Variants in PRKCB observed in about 807,000 individuals in gnomAD.
The protein encoded by PRKCB is protein kinase C beta.
PRKCB carries 13 observed loss-of-function variants against 81.5 expected under a neutral mutation model. The observed-to-expected ratio is 0.16, with a 90% CI of 0.10 to 0.25. The LOEUF (loss-of-function observed/expected upper bound fraction) is 0.25, where lower values mean the gene tolerates loss of function less well. Among genes scored for constraint, PRKCB ranks in the 10% least tolerant of loss-of-function variants. The pLI is 1.00. For synonymous variants in PRKCB, 335 were observed against 321.4 expected (o/e 1.04, Z -0.45); for missense variants, 509 against 875.7 (o/e 0.58, Z 5.29).
intron 2 of PRKCB, among the ~76,000 whole-genome samples, chr16:23,843,461 G>A (rs1330838107): frequency 6.6e-6 from 1 of 151,960 alleles, no homozygotes; most frequent in African/African-American, 2.4e-5. Context: ...ACCACCTGAC[G>A]GGGGATTTCA....
At chr16:23,995,781 C>A (rs932256304) in intron 3 of PRKCB, among the ~76,000 whole-genome samples, 14 of 152,208 alleles carry the variant, frequency 9.2e-5, no homozygotes, top group African/African-American at 3.1e-4. Flanking sequence ...TTCTCTCTCC[C>A]AACTTGCACC....
chr16:23,902,072 A>G (rs12934904), intron 2 of PRKCB, among the ~76,000 whole-genome samples: 142,556 of 152,176 alleles, frequency 0.94, 66,835 homozygotes, highest in East Asian at 1. Context: ...AAGAGATTTG[A>G]TTTTAACTCA....
intron 2 of PRKCB, among the ~76,000 whole-genome samples, chr16:23,982,138 CCCTT>C (rs1964738572): frequency 7.5e-5 from 2 of 26,830 alleles, no homozygotes; most frequent in Admixed American, 3.0e-4. Flanking sequence ...CCTTCCCTTT[CCCTT>C]CCCTTTCCCT....
intron 16 of PRKCB, among the ~76,000 whole-genome samples, chr16:24,194,281 G>C (rs1371688603): frequency 6.6e-6 from 1 of 152,066 alleles, no homozygotes; most frequent in African/African-American, 2.4e-5. Flanking sequence ...AGCTGAGATT[G>C]TGCCATTGCA....
Position 24,134,205 on chromosome 16 carries a change from C to T in PRKCB, c.1065+10224C>T, listed in dbSNP as rs1354564278. Among the ~76,000 whole-genome samples the T allele has an allele frequency of 2.0e-5, 3 of 152,118 alleles. No homozygotes were observed. The East Asian group carries it at 5.8e-4, about 29-fold the overall frequency. On this transcript the variant is annotated intron_variant, in intron 9 of 16. Transcript: ENST00000643927. ...GAACCACCATGCCCAGTCCAAACCA[C>T]TACTCTTTCCTCTTCCTTTTTTCCT... is the stretch of plus-strand genomic sequence containing the variant.
rs1390197723 is a variant in PRKCB, at chr16:24,174,512, T to C, written c.1332-6T>C. The C allele has an allele frequency of 6.2e-7, 1 of 1,607,610 alleles. No individual in the cohort carries two copies. The highest frequency in any genetic ancestry group is 8.5e-7 in the Non-Finnish European group (1 of 1,177,712). Reference sequence around the variant, plus strand: ...TCCATCGCTTTTTTTTTTTTTTTAATTTCAGATTTTACGCTGCAGAAATTG... The same window carrying C: ...TCCATCGCTTTTTTTTTTTTTTTAACTTCAGATTTTACGCTGCAGAAATTG... On this transcript the variant is annotated splice_polypyrimidine_tract_variant and splice_region_variant and intron_variant, in intron 11 of 16. Transcript: ENST00000643927.
intron 9 of PRKCB, among the ~76,000 whole-genome samples, chr16:24,126,607 C>T (rs980048954): frequency 6.6e-6 from 1 of 152,134 alleles, no homozygotes; most frequent in Non-Finnish European, 1.5e-5. Context: ...TACTCTGTTG[C>T]CCAGGCTGGA....
intron 3 of PRKCB, among the ~76,000 whole-genome samples, chr16:24,025,009 G>A (rs1473007363): frequency 3.3e-5 from 5 of 152,140 alleles, no homozygotes; most frequent in Non-Finnish European, 5.9e-5. Context: ...GGTAGAGTTG[G>A]TGCCTACAAG....
intron 5 of PRKCB, among the ~76,000 whole-genome samples, chr16:24,069,064 T>C (rs923000586): frequency 2.6e-5 from 4 of 152,220 alleles, no homozygotes; most frequent in African/African-American, 9.6e-5. Flanking sequence ...ATTAGCCCCA[T>C]TTTTTAAACA....
intron 5 of PRKCB, among the ~76,000 whole-genome samples, chr16:24,087,176 T>C (rs894203536): frequency 6.6e-6 from 1 of 152,206 alleles, no homozygotes; most frequent in Non-Finnish European, 1.5e-5. Context: ...AATGAGGAAA[T>C]GCAACATTGA....
At chr16:24,197,446 G>A (rs1967896196) in intron 16 of PRKCB, among the ~76,000 whole-genome samples, 1 of 152,100 alleles carries the variant, frequency 6.6e-6, no homozygotes, top group Non-Finnish European at 1.5e-5. Flanking sequence ...GCCTGGCATG[G>A]TCAAGGGAGA....
At chr16:24,122,264 C>T (rs536136869) in intron 8 of PRKCB, among the ~76,000 whole-genome samples, 7 of 152,062 alleles carry the variant, frequency 4.6e-5, no homozygotes, top group Admixed American at 4.6e-4. Context: ...ATTCAGAGAG[C>T]AGCAAGGAGG....
chr16:24,000,493 G>T (rs758861342), intron 3 of PRKCB, among the ~76,000 whole-genome samples: 1 of 152,162 alleles, frequency 6.6e-6, no homozygotes, highest in South Asian at 2.1e-4. Flanking sequence ...CATGTCGTTC[G>T]ACTTCTCTAT....
chr16:24,188,835 G>T (rs1211734684), intron 15 of PRKCB, among the ~76,000 whole-genome samples: 1 of 152,156 alleles, frequency 6.6e-6, no homozygotes, highest in Non-Finnish European at 1.5e-5. Flanking sequence ...TCCTTTACCT[G>T]GAAAATGGGG....
intron 5 of PRKCB, among the ~76,000 whole-genome samples, chr16:24,043,542 G>C (rs1313105532): frequency 2.0e-5 from 3 of 152,118 alleles, no homozygotes; most frequent in Non-Finnish European, 4.4e-5. Context: ...CAGGGGAAGG[G>C]TCTCTTGCCC....
intron 5 of PRKCB, among the ~76,000 whole-genome samples, chr16:24,079,351 C>T (rs1303264032): frequency 6.6e-6 from 1 of 152,292 alleles, no homozygotes; most frequent in Non-Finnish European, 1.5e-5. Flanking sequence ...CTCAGAAGTC[C>T]GAGTATCAGC....
intron 2 of PRKCB, among the ~76,000 whole-genome samples, chr16:23,967,946 C>A (rs573056838): frequency 6.6e-6 from 1 of 152,190 alleles, no homozygotes; most frequent in East Asian, 1.9e-4. Context: ...TGAGCCACTG[C>A]GCCGGGCCTT....
Position 24,127,995 on chromosome 16 carries a change from G to A in PRKCB, c.1065+4014G>A, listed in dbSNP as rs550012326. Among the ~76,000 whole-genome samples, 10 of 152,120 alleles carry A rather than the reference G, an allele frequency of 6.6e-5. No homozygotes were observed. The East Asian group carries it at 1.7e-3, about 26-fold the overall frequency. ...CTGCAGTGATTTGCTCTTCCCCTTC[G>A]AAAGATGAAAGTGATGGGGCTTTGG... On this transcript the variant is annotated intron_variant, in intron 9 of 16. Transcript: ENST00000643927.
intron 10 of PRKCB, among the ~76,000 whole-genome samples, chr16:24,166,124 T>C (rs931057006): frequency 6.6e-6 from 1 of 152,120 alleles, no homozygotes; most frequent in African/African-American, 2.4e-5. Flanking sequence ...TGGCCTTAAG[T>C]GATCTGTCCA....
Sources: allele counts gnomAD v4.1 joint callset (sites outside exome capture counted in the v4.1 genomes callset), GRCh38; gene constraint gnomAD v4.1.1; transcripts MANE v1.5; gene names NCBI Gene and HGNC (gene_info 2026-07-23, HGNC 2026-07-21).